Variants in GRID2 observed in about 807,000 individuals in gnomAD.
GRID2 encodes glutamate receptor ionotropic, delta-2.
In GRID2, 33 loss-of-function variants were observed where a neutral mutation model predicts 114.8. That is an observed-to-expected ratio of 0.29 (90% CI 0.22 to 0.38). The LOEUF (loss-of-function observed/expected upper bound fraction) is 0.38, where lower values mean the gene tolerates loss of function less well. Ranked by LOEUF, GRID2 falls within the 10% of genes least tolerant of loss-of-function variation. The pLI, the probability that GRID2 is intolerant of heterozygous loss-of-function variation, is 1.00. For synonymous variants in GRID2, 505 were observed against 449.9 expected (o/e 1.12, Z -1.55); for missense variants, 1,184 against 1,257.7 (o/e 0.94, Z 0.89).
intron 2 of GRID2, among the ~76,000 whole-genome samples, chr4:92,849,849 T>C (rs1743637659): frequency 6.6e-6 from 1 of 151,784 alleles, no homozygotes; most frequent in Non-Finnish European, 1.5e-5. Flanking sequence ...TTCATTGCTA[T>C]GATTTTTAAT....
intron 14 of GRID2, among the ~76,000 whole-genome samples, chr4:93,711,234 C>T (rs911534857): frequency 6.6e-6 from 1 of 152,196 alleles, no homozygotes; most frequent in Non-Finnish European, 1.5e-5. Context: ...GTGCCAAGTA[C>T]TGCCTGGCTA....
rs1028606869 is a variant in GRID2, at chr4:93,772,693, G to C, written c.*195G>C. On this transcript the variant is annotated 3_prime_UTR_variant, in exon 16 of 16. Transcript: ENST00000282020. Reference sequence around the variant, plus strand: ...TTTCTCTCTTTCCCCCTCCCTTCCTGTACATTTTCCTCCACTTTTTTTCAT... The same window carrying C: ...TTTCTCTCTTTCCCCCTCCCTTCCTCTACATTTTCCTCCACTTTTTTTCAT... 7.6e-6 allele frequency: 4 copies of C among 525,852 alleles called. No individual in the cohort carries two copies. The highest frequency in any genetic ancestry group is 1.3e-5 in the Non-Finnish European group (4 of 301,728). 32.6% of individuals were successfully genotyped at this position (525,852 alleles called of 1,614,324 possible).
intron 13 of GRID2, among the ~76,000 whole-genome samples, chr4:93,600,826 T>C (rs921109820): frequency 6.6e-6 from 1 of 152,156 alleles, no homozygotes; most frequent in Non-Finnish European, 1.5e-5. Context: ...CAGACCTCAA[T>C]ACTGCAAGAA....
chr4:92,967,620 A>G (rs997658083), intron 2 of GRID2, among the ~76,000 whole-genome samples: 5 of 151,964 alleles, frequency 3.3e-5, no homozygotes, highest in African/African-American at 4.8e-5. Context: ...CTCCTGAAGC[A>G]TTTCGTGAGT....
intron 13 of GRID2, among the ~76,000 whole-genome samples, chr4:93,613,416 TTC>T (rs1741190011): frequency 8.3e-6 from 1 of 120,424 alleles, no homozygotes; most frequent in East Asian, 2.1e-4. Flanking sequence ...AGTTTTTCTG[TTC>T]TGTTTTTTCC....
chr4:92,547,850 C>T (rs1161896806), intron 1 of GRID2, among the ~76,000 whole-genome samples: 1 of 151,186 alleles, frequency 6.6e-6, no homozygotes, highest in Non-Finnish European at 1.5e-5. Context: ...CTAGGTTCTA[C>T]AAAAAGAAAG....
intron 13 of GRID2, among the ~76,000 whole-genome samples, chr4:93,578,431 T>C (rs1243694007): frequency 6.6e-6 from 1 of 152,050 alleles, no homozygotes; most frequent in African/African-American, 2.4e-5. Flanking sequence ...GAAATACTGT[T>C]TTTTGAAAAG....
intron 8 of GRID2, among the ~76,000 whole-genome samples, chr4:93,375,985 G>T (rs972613614): frequency 2.0e-5 from 3 of 152,018 alleles, no homozygotes; most frequent in Non-Finnish European, 4.4e-5. Context: ...CTTGCAGATG[G>T]CCAACTTTTC....
chr4:93,295,731 C>A (rs1165409615), intron 8 of GRID2, among the ~76,000 whole-genome samples: 2 of 152,268 alleles, frequency 1.3e-5, no homozygotes, highest in African/African-American at 4.8e-5. Context: ...GATAAAGTCT[C>A]TCTTTTAATG....
intron 2 of GRID2, among the ~76,000 whole-genome samples, chr4:92,787,908 T>A (rs1739397855): frequency 6.6e-6 from 1 of 151,674 alleles, no homozygotes; most frequent in Non-Finnish European, 1.5e-5. Context: ...TGATATGCAG[T>A]GTGTTAGAGA....
intron 8 of GRID2, among the ~76,000 whole-genome samples, chr4:93,297,634 T>G (rs895443803): frequency 6.6e-6 from 1 of 152,222 alleles, no homozygotes; most frequent in Admixed American, 6.5e-5. Context: ...AAAACTGGGC[T>G]ATCTATTCCA....
intron 13 of GRID2, among the ~76,000 whole-genome samples, chr4:93,527,067 T>C (rs2149508275): frequency 6.6e-6 from 1 of 152,276 alleles, no homozygotes; most frequent in Admixed American, 6.5e-5. Context: ...TTCTTTTACA[T>C]CCTCAAAAGG....
intron 2 of GRID2, among the ~76,000 whole-genome samples, chr4:93,035,631 A>G (rs1051921789): frequency 3.3e-5 from 5 of 152,110 alleles, no homozygotes; most frequent in Non-Finnish European, 7.3e-5. Context: ...CAAGTACTGG[A>G]TTGACAAGGG....
chr4:93,395,587 A>G lies in GRID2; in HGVS notation c.1246-20A>G. On this transcript the variant is annotated intron_variant, in intron 8 of 15. Transcript: ENST00000282020. Reference sequence around the variant, plus strand: ...CTGTTCTTCAGGCAGAAAAATGACCAAAGTTGTCTTATCTTTCAGCTTGGT... The same window carrying G: ...CTGTTCTTCAGGCAGAAAAATGACCGAAGTTGTCTTATCTTTCAGCTTGGT... 1 of 1,175,224 alleles carries G rather than the reference A, an allele frequency of 8.5e-7. No homozygotes were observed. Among genetic ancestry groups the G allele is most frequent in the Middle Eastern group, 1.9e-4 (1 of 5,190 alleles). 72.8% of individuals were successfully genotyped at this position (1,175,224 alleles called of 1,614,324 possible). A position where few individuals can be genotyped will look rare whatever the true frequency, so the allele number is the denominator to read the frequency against.
intron 2 of GRID2, among the ~76,000 whole-genome samples, chr4:92,909,695 T>A (rs1209157317): frequency 1.3e-5 from 2 of 152,156 alleles, no homozygotes; most frequent in African/African-American, 4.8e-5. Context: ...CCTTGGGATG[T>A]CTATAGTGAT....
intron 14 of GRID2, among the ~76,000 whole-genome samples, chr4:93,648,337 A>G (rs895469633): frequency 1.3e-5 from 2 of 152,190 alleles, no homozygotes; most frequent in Non-Finnish European, 2.9e-5. Context: ...AAAAATCAAG[A>G]GAAACTATGT....
chr4:93,722,158 T>C (rs1274885685), intron 14 of GRID2, among the ~76,000 whole-genome samples: 1 of 151,902 alleles, frequency 6.6e-6, no homozygotes, highest in Admixed American at 6.6e-5. Flanking sequence ...GAAAGTGATC[T>C]ACCTGCCTCA....
intron 8 of GRID2, among the ~76,000 whole-genome samples, chr4:93,367,600 G>A (rs917104766): frequency 6.6e-6 from 1 of 152,144 alleles, no homozygotes. Context: ...GACAAAGCTG[G>A]TTGCTTTTTT....
chr4:92,384,283 G>A (rs529788065), intron 1 of GRID2, among the ~76,000 whole-genome samples: 18 of 148,004 alleles, frequency 1.2e-4, no homozygotes, highest in Non-Finnish European at 2.1e-4. Context: ...CAAAGTAGTC[G>A]AAGTTTTCCC....
Sources: gnomAD v4.1 joint callset for allele counts (sites outside exome capture counted in the v4.1 genomes callset) on GRCh38, gnomAD v4.1.1 for gene constraint, MANE v1.5 for transcripts, NCBI Gene and HGNC (gene_info 2026-07-23, HGNC 2026-07-21) for gene names.